The following TMPRSS11D variants were observed in gnomAD, a reference collection of about 807,000 sequenced individuals.
The protein encoded by TMPRSS11D is transmembrane serine protease 11D.
Under a neutral mutation model 44.4 loss-of-function variants are expected in TMPRSS11D, and 32 were observed. The ratio of observed to expected loss-of-function variants is 0.72; its 90% CI spans 0.54 to 0.97. The LOEUF (loss-of-function observed/expected upper bound fraction) is 0.97, where lower values mean the gene tolerates loss of function less well. Ranked by LOEUF, TMPRSS11D falls within the 50% of genes least tolerant of loss-of-function variation. TMPRSS11D has a pLI of 0.00. For synonymous variants in TMPRSS11D, 179 were observed against 177.9 expected (o/e 1.01, Z -0.05); for missense variants, 446 against 502.6 (o/e 0.89, Z 1.08).
chr4:67,833,270 G>A lies in TMPRSS11D; in HGVS notation c.626C>T (p.Ala209Val). The A allele has an allele frequency of 6.3e-7, 1 of 1,597,590 alleles. No individual in the cohort carries two copies. The highest frequency in any genetic ancestry group is 8.5e-7 in the Non-Finnish European group (1 of 1,172,734). Residue 209 changes from alanine to valine, a missense_variant, in exon 7 of 10, where the codon GCC becomes GTC. By Grantham distance (64) the Ala-to-Val change is moderately conservative. Transcript: ENST00000283916. The stretch of plus-strand genomic sequence containing the variant: ...GATCAGGCTGCCTCCACAGTGGTGG[G>A]CATTATTGAGCCGCAGACTGACTTG... ...PWQVSLRLNNAHHCGGSLINN... is the reference protein window; with the variant it reads ...PWQVSLRLNNVHHCGGSLINN...
intron 7 of TMPRSS11D, among the ~76,000 whole-genome samples, chr4:67,829,215 G>T (rs536494730): frequency 6.6e-6 from 1 of 152,018 alleles, no homozygotes; most frequent in Non-Finnish European, 1.5e-5. Context: ...TAAATTCTCA[G>T]GACCCTCAGT....
At chr4:67,838,481 A>G (rs1472136944) in intron 4 of TMPRSS11D, 152 bp from the exon 5 acceptor site, 6 of 648,638 alleles carry the variant, frequency 9.3e-6, no homozygotes, top group African/African-American at 1.9e-5. Flanking sequence ...CATACGTAAT[A>G]CTATATCACG....
intron 1 of TMPRSS11D, among the ~76,000 whole-genome samples, chr4:67,864,389 G>A (rs1718866917): frequency 1.3e-5 from 2 of 151,944 alleles, no homozygotes; most frequent in Admixed American, 1.3e-4. Context: ...TGCAAGAAAT[G>A]CTCAAAGGAA....
intron 3 of TMPRSS11D, 84 bp from the exon 4 acceptor site, chr4:67,842,709 T>TGC: frequency 3.3e-6 from 4 of 1,221,102 alleles, no homozygotes; most frequent in East Asian, 2.4e-5. Flanking sequence ...TGAGACATGT[T>TGC]AATGAGGAGT....
At chr4:67,838,897 G>C (rs1173126353) in intron 4 of TMPRSS11D, 1 of 152,054 alleles carries the variant, frequency 6.6e-6, no homozygotes, top group African/African-American at 2.4e-5. Flanking sequence ...CGTATATTAA[G>C]ATTTCATCAC....
chr4:67,824,983 A>C (rs1325718448), intron 9 of TMPRSS11D, among the ~76,000 whole-genome samples: 1 of 152,104 alleles, frequency 6.6e-6, no homozygotes, highest in Non-Finnish European at 1.5e-5. Context: ...TTAGAATTCA[A>C]ATTTGATTTT....
intron 1 of TMPRSS11D, among the ~76,000 whole-genome samples, chr4:67,861,994 T>C (rs190036336): frequency 6.6e-6 from 1 of 152,276 alleles, no homozygotes; most frequent in East Asian, 1.9e-4. Flanking sequence ...AATGGAAATC[T>C]GTGAAAGAAA....
At chr4:67,839,982 TC>T (rs1718193910) in intron 4 of TMPRSS11D, among the ~76,000 whole-genome samples, 1 of 91,512 alleles carries the variant, frequency 1.1e-5, no homozygotes, top group Non-Finnish European at 2.2e-5. Context: ...CCCTCCCCCC[TC>T]CCCCGACAAC....
chr4:67,833,791 A>G (rs1159327291), intron 6 of TMPRSS11D, among the ~76,000 whole-genome samples: 1 of 152,116 alleles, frequency 6.6e-6, no homozygotes, highest in Non-Finnish European at 1.5e-5. Flanking sequence ...CTGGAAACTT[A>G]TTAGAAGTGC....
intron 3 of TMPRSS11D, among the ~76,000 whole-genome samples, chr4:67,853,547 G>A (rs141135743): frequency 2.6e-5 from 4 of 152,296 alleles, no homozygotes; most frequent in East Asian, 3.9e-4. Context: ...GGGTCCACTC[G>A]TGAGGTTTCC....
At chr4:67,830,863 T>C (rs960216734) in intron 7 of TMPRSS11D, among the ~76,000 whole-genome samples, 3 of 152,232 alleles carry the variant, frequency 2.0e-5, no homozygotes, top group South Asian at 4.2e-4. Context: ...AGCTCTGGGG[T>C]TTATTTACAT....
intron 6 of TMPRSS11D, 93 bp downstream of exon 6, chr4:67,834,990 A>C: frequency 8.9e-7 from 1 of 1,128,390 alleles, no homozygotes; most frequent in African/African-American, 1.5e-5. Flanking sequence ...TCAACTTGAT[A>C]GATACTGCCT....
At chr4:67,856,245 C>CTA (rs1718631553) in intron 2 of TMPRSS11D, among the ~76,000 whole-genome samples, 1 of 152,100 alleles carries the variant, frequency 6.6e-6, no homozygotes, top group South Asian at 2.1e-4. Context: ...TACTCCAAGG[C>CTA]TATAGTAGCC....
At chr4:67,831,934 T>G (rs72643658) in intron 7 of TMPRSS11D, among the ~76,000 whole-genome samples, 735 of 152,302 alleles carry the variant, frequency 4.8e-3, no homozygotes, top group Non-Finnish European at 8.7e-3. Flanking sequence ...AAATCTTTAT[T>G]CCTTCTAAAT....
chr4:67,876,512 T>C (rs1328857376), intron 1 of TMPRSS11D, among the ~76,000 whole-genome samples: 1 of 152,212 alleles, frequency 6.6e-6, no homozygotes, highest in Non-Finnish European at 1.5e-5. Flanking sequence ...ATTTTTATAA[T>C]AACATTTTAT....
chr4:67,853,480 T>G (rs1209545312), intron 3 of TMPRSS11D, among the ~76,000 whole-genome samples: 1 of 152,168 alleles, frequency 6.6e-6, no homozygotes, highest in Non-Finnish European at 1.5e-5. Context: ...TGAGTGACAC[T>G]GAGACTGGTC....
At chr4:67,876,197 T>C (rs763153065) in intron 1 of TMPRSS11D, among the ~76,000 whole-genome samples, 1 of 152,152 alleles carries the variant, frequency 6.6e-6, no homozygotes, top group Non-Finnish European at 1.5e-5. Context: ...ATCAGACAGA[T>C]CCATGTGATC....
intron 1 of TMPRSS11D, among the ~76,000 whole-genome samples, chr4:67,872,823 A>G (rs994095913): frequency 1.3e-5 from 2 of 152,208 alleles, no homozygotes; most frequent in African/African-American, 4.8e-5. Context: ...GTGTGTTAGT[A>G]TTGATGGCAA....
intron 3 of TMPRSS11D, among the ~76,000 whole-genome samples, chr4:67,844,733 C>A (rs1905985): frequency 6.6e-6 from 1 of 151,806 alleles, no homozygotes; most frequent in African/African-American, 2.4e-5. Context: ...GAGTCAAGAT[C>A]GCGCCAGTAC....
Sources: gnomAD v4.1 joint callset for allele counts (sites outside exome capture counted in the v4.1 genomes callset) on GRCh38, gnomAD v4.1.1 for gene constraint, MANE v1.5 for transcripts, NCBI Gene and HGNC (gene_info 2026-07-23, HGNC 2026-07-21) for gene names.